HCN1: variants seen among roughly 807,000 people sequenced by gnomAD.
HCN1 encodes potassium/sodium hyperpolarization-activated cyclic nucleotide-gated channel 1.
Under a neutral mutation model 78.9 loss-of-function variants are expected in HCN1, and 13 were observed. That is an observed-to-expected ratio of 0.16 (90% CI 0.11 to 0.26). The LOEUF (loss-of-function observed/expected upper bound fraction) is 0.26, where lower values mean the gene tolerates loss of function less well. Ranked by LOEUF, HCN1 falls within the 10% of genes least tolerant of loss-of-function variation. The pLI, the probability that HCN1 is intolerant of heterozygous loss-of-function variation, is 1.00. For missense variants in HCN1, 810 were observed against 1,154.3 expected (o/e 0.70, Z 4.32); for synonymous variants, 552 against 455.5 (o/e 1.21, Z -2.70).
chr5:45,658,341 G>A lies in HCN1; in HGVS notation c.426-12733C>T, dbSNP rs146245894. On this transcript the variant is annotated intron_variant, in intron 1 of 7. Coordinates refer to ENST00000303230, the MANE Select transcript of HCN1 (RefSeq NM_021072.4). ...ACATAGGCATGGGCAAGGACTTCATGTCTAAAACACCAAAAGCAATGGTAA... is the reference window on the plus strand; with the variant it reads ...ACATAGGCATGGGCAAGGACTTCATATCTAAAACACCAAAAGCAATGGTAA... Among the ~76,000 whole-genome samples the A allele has an allele frequency of 7.9e-5, 12 of 152,316 alleles. No homozygotes were observed. In the East Asian group the frequency reaches 2.3e-3, roughly 29 times the overall value.
At chr5:45,360,068 T>C (rs977358597) in intron 4 of HCN1, among the ~76,000 whole-genome samples, 3 of 151,008 alleles carry the variant, frequency 2.0e-5, no homozygotes, top group African/African-American at 7.3e-5. Flanking sequence ...GTATGTTATG[T>C]GATAAATAAT....
At chr5:45,389,330 C>A (rs1480187988) in intron 4 of HCN1, among the ~76,000 whole-genome samples, 1 of 152,072 alleles carries the variant, frequency 6.6e-6, no homozygotes, top group East Asian at 1.9e-4. Flanking sequence ...CTTCTTCTCT[C>A]CCCCCATTTC....
At position 45,262,524 on chromosome 5, in the gene HCN1, T is replaced by G. The variant is rs754428907; in HGVS notation, c.2070A>C (p.Pro690=). The change falls in exon 8 of 8, where the codon CCA becomes CCC. Residue 690 remains proline, a synonymous_variant. Transcript: ENST00000303230. ...SPSPSTQTPQ[P]SAILSPCSYT... Reference sequence around the variant, plus strand: ...AGGAGCAGGGTGACAGGATGGCTGATGGCTGGGGGGTCTGTGTGCTGGGAC... The same window carrying G: ...AGGAGCAGGGTGACAGGATGGCTGAGGGCTGGGGGGTCTGTGTGCTGGGAC... 1 of 1,612,466 alleles carries G rather than the reference T, an allele frequency of 6.2e-7. No homozygotes were observed. The highest frequency in any genetic ancestry group is 8.5e-7 in the Non-Finnish European group (1 of 1,179,498).
At chr5:45,480,474 C>G (rs1404846590) in intron 2 of HCN1, among the ~76,000 whole-genome samples, 1 of 152,076 alleles carries the variant, frequency 6.6e-6, no homozygotes, top group Admixed American at 6.6e-5. Flanking sequence ...ATTTGAATGT[C>G]AGCTGGAAGA....
intron 5 of HCN1, among the ~76,000 whole-genome samples, chr5:45,320,388 A>T (rs1477746715): frequency 6.6e-6 from 1 of 151,890 alleles, no homozygotes; most frequent in Non-Finnish European, 1.5e-5. Flanking sequence ...TGAGGTAAAG[A>T]TAATTCTAAG....
rs549060144 is a variant in HCN1, at chr5:45,270,317, A to G, written c.1619-3064T>C. Among the ~76,000 whole-genome samples the G allele has an allele frequency of 1.3e-4, 20 of 152,372 alleles. No individual in the cohort carries two copies. In the South Asian group the frequency reaches 3.9e-3, roughly 30 times the overall value. On this transcript the variant is annotated intron_variant, in intron 6 of 7. Transcript: ENST00000303230. ...ATTATCAGAACTGCATCATGTGGCC[A>G]GCCTTAGCTGCAAGAAAGGATTTAA...
chr5:45,590,947 T>G (rs1744347152), intron 2 of HCN1, among the ~76,000 whole-genome samples: 1 of 151,912 alleles, frequency 6.6e-6, no homozygotes, highest in Admixed American at 6.6e-5. Context: ...TCCTCCCACC[T>G]CAGTCTCTCG....
At chr5:45,492,918 G>C (rs1265994073) in intron 2 of HCN1, among the ~76,000 whole-genome samples, 33 of 152,114 alleles carry the variant, frequency 2.2e-4, no homozygotes, top group Admixed American at 2.0e-3. Flanking sequence ...GCTTAGAAAA[G>C]TCTGTGGATT....
intron 2 of HCN1, among the ~76,000 whole-genome samples, chr5:45,527,932 GT>G (rs34937140): frequency 0.53 from 77,903 of 145,630 alleles, 20,598 homozygotes; most frequent in Non-Finnish European, 0.56. Context: ...TAAATTTAGG[GT>G]TTTTTTTTTT....
At chr5:45,694,007 A>C (rs994758070) in intron 1 of HCN1, among the ~76,000 whole-genome samples, 1 of 152,046 alleles carries the variant, frequency 6.6e-6, no homozygotes, top group Non-Finnish European at 1.5e-5. Context: ...TCCATTGGGG[A>C]CTGAGGAAAA....
intron 5 of HCN1, among the ~76,000 whole-genome samples, chr5:45,346,074 CA>C (rs1384135969): frequency 6.6e-6 from 1 of 152,120 alleles, no homozygotes; most frequent in Non-Finnish European, 1.5e-5. Context: ...AAGTATCGAC[CA>C]AAAGGGATAA....
chr5:45,348,980 C>G (rs1452851019), intron 5 of HCN1, among the ~76,000 whole-genome samples: 1 of 152,170 alleles, frequency 6.6e-6, no homozygotes, highest in Non-Finnish European at 1.5e-5. Context: ...AGAAAGTTAA[C>G]AATGATACCC....
intron 2 of HCN1, among the ~76,000 whole-genome samples, chr5:45,624,782 T>C (rs943350129): frequency 1.3e-5 from 2 of 151,578 alleles, no homozygotes; most frequent in African/African-American, 2.4e-5. Context: ...GGCCCTCTTG[T>C]GTTTATGGAG....
intron 2 of HCN1, among the ~76,000 whole-genome samples, chr5:45,490,074 C>T (rs369769075): frequency 2.6e-5 from 4 of 152,106 alleles, no homozygotes; most frequent in South Asian, 2.1e-4. Flanking sequence ...AGCATCTTTA[C>T]GTATAGAAAT....
chr5:45,552,082 G>A (rs1232094229), intron 2 of HCN1, among the ~76,000 whole-genome samples: 2 of 151,876 alleles, frequency 1.3e-5, no homozygotes, highest in African/African-American at 4.8e-5. Flanking sequence ...AATTCATGAA[G>A]GAGATAGTGG....
At position 45,645,464 on chromosome 5, in the gene HCN1, C is replaced by T. The variant is rs781618008; in HGVS notation, c.570G>A (p.Leu190=). The T allele has an allele frequency of 3.7e-6, 6 of 1,613,690 alleles. No homozygotes were observed. In the East Asian group the frequency reaches 6.7e-5, roughly 18 times the overall value. The change falls in exon 2 of 8, where the codon CTG becomes CTA. Residue 190 remains leucine, a synonymous_variant. Transcript: ENST00000303230. ...VASDTVFLLD[L]IMNFRTGTVN... is the part of the protein sequence containing the mutation. The stretch of plus-strand genomic sequence containing the variant: ...CAGTCCCAGTCCTAAAATTCATGAT[C>T]AGGTCCAATAGGAAAACTGTATCTG...
Position 45,496,502 on chromosome 5 carries a change from C to A in HCN1, c.850-34495G>T, listed in dbSNP as rs917443880. On this transcript the variant is annotated intron_variant, in intron 2 of 7. Coordinates refer to ENST00000303230, the MANE Select transcript of HCN1 (RefSeq NM_021072.4). ...GGCTGTGAATCCATCTGGTCCTGGA[C>A]TCTTTTTGGTTGGTAAGCTATTGTA... Among the ~76,000 whole-genome samples, 50 of 152,156 alleles carry A rather than the reference C, an allele frequency of 3.3e-4. 1 individual carries two copies. The highest frequency in any genetic ancestry group is 2.3e-3 in the Admixed American group (35 of 15,266).
intron 6 of HCN1, among the ~76,000 whole-genome samples, chr5:45,267,695 G>A (rs1047130712): frequency 6.6e-6 from 1 of 152,138 alleles, no homozygotes; most frequent in African/African-American, 2.4e-5. Context: ...TTGAACCTGG[G>A]AGGCAGAGGT....
At chr5:45,672,807 T>C (rs77423039) in intron 1 of HCN1, among the ~76,000 whole-genome samples, 10,729 of 151,438 alleles carry the variant, frequency 0.071, 553 homozygotes, top group Middle Eastern at 0.15. Context: ...TAAAAGGTTG[T>C]TTTATCTTTT....
Sources: allele counts gnomAD v4.1 joint callset (sites outside exome capture counted in the v4.1 genomes callset), GRCh38; gene constraint gnomAD v4.1.1; transcripts MANE v1.5; gene names NCBI Gene and HGNC (gene_info 2026-07-23, HGNC 2026-07-21).